Variants in FFAR4 observed in about 807,000 individuals in gnomAD.
FFAR4 encodes free fatty acid receptor 4.
In FFAR4, 19 loss-of-function variants were observed where a neutral mutation model predicts 27.0. The observed-to-expected ratio is 0.70, with a 90% CI of 0.49 to 1.03. FFAR4 has a LOEUF of 1.03. Ranked by LOEUF, FFAR4 falls within the 50% of genes least tolerant of loss-of-function variation. The pLI, the probability that FFAR4 is intolerant of heterozygous loss-of-function variation, is 0.00. For missense variants in FFAR4, 476 were observed against 479.0 expected, an observed-to-expected ratio of 0.99 and a Z score of 0.06; for synonymous variants, 254 against 215.6, an observed-to-expected ratio of 1.18 and a Z score of -1.56.
chr10:93,579,276 C>T, intron 2 of FFAR4: 4 of 1,325,964 alleles, frequency 3.0e-6, no homozygotes, highest in Non-Finnish European at 4.3e-6. Flanking sequence ...CCACCCTCAC[C>T]TTAAGGCCCT....
intron 1 of FFAR4, among the ~76,000 whole-genome samples, chr10:93,568,754 T>C (rs1189777993): frequency 6.6e-6 from 1 of 152,124 alleles, no homozygotes; most frequent in Non-Finnish European, 1.5e-5. Context: ...TTTTTTTTTT[T>C]AAACATAAAT....
intron 2 of FFAR4, among the ~76,000 whole-genome samples, chr10:93,586,226 G>A (rs565099392): frequency 2.6e-5 from 4 of 152,282 alleles, no homozygotes; most frequent in East Asian, 3.9e-4. Context: ...GGCTACTCTC[G>A]TAATAGTAAG....
intron 2 of FFAR4, among the ~76,000 whole-genome samples, chr10:93,584,955 G>A (rs1432099002): frequency 1.3e-5 from 2 of 152,076 alleles, no homozygotes; most frequent in South Asian, 2.1e-4. Flanking sequence ...CGATCTGCCC[G>A]CCTCAGCCTC....
chr10:93,567,321 C>A, intron 1 of FFAR4, 34 bp downstream of exon 1: 1 of 1,577,976 alleles, frequency 6.3e-7, no homozygotes, highest in Non-Finnish European at 8.6e-7. Context: ...GGGCAGGTGT[C>A]CTGCGCAGGC....
intron 2 of FFAR4, among the ~76,000 whole-genome samples, chr10:93,580,913 GA>G (rs2058193599): frequency 6.6e-6 from 1 of 152,176 alleles, no homozygotes; most frequent in South Asian, 2.1e-4. Context: ...TTTCCCAAGG[GA>G]ATAACCTCCC....
At chr10:93,578,434 A>AAAAAAAAC (rs1564783908) in intron 2 of FFAR4, among the ~76,000 whole-genome samples, 1 of 150,262 alleles carries the variant, frequency 6.7e-6, no homozygotes. Context: ...AAAAAAAAAA[A>AAAAAAAAC]AAAAAAACGA....
chr10:93,567,581 GT>G (rs1564780728), intron 1 of FFAR4, among the ~76,000 whole-genome samples: 1 of 152,200 alleles, frequency 6.6e-6, no homozygotes, highest in African/African-American at 2.4e-5. Flanking sequence ...AACTTTGGGG[GT>G]GCAGGGTGGC....
At chr10:93,579,359 T>A (rs887676296) in intron 2 of FFAR4, among the ~76,000 whole-genome samples, 3 of 152,208 alleles carry the variant, frequency 2.0e-5, no homozygotes, top group Non-Finnish European at 4.4e-5. Flanking sequence ...GCCTTGAGGC[T>A]GTACTGCGCA....
chr10:93,566,668 C>T lies in FFAR4; in HGVS notation c.-53C>T. 1 of 1,060,288 alleles carries T rather than the reference C, an allele frequency of 9.4e-7. No homozygotes were observed. The highest frequency in any genetic ancestry group is 1.3e-6 in the Non-Finnish European group (1 of 746,956). 65.7% of individuals were successfully genotyped at this position (1,060,288 alleles called of 1,614,324 possible). ...CTCTTTCCCCGCCTTGGCACTCAGT[C>T]GCCTCCCAGATGAGCACTCTCTCAG... On this transcript the variant is annotated 5_prime_UTR_variant, in exon 1 of 3. Coordinates refer to ENST00000371481, the MANE Select transcript of FFAR4 (RefSeq NM_001195755.2).
At chr10:93,583,487 C>A (rs2058211380) in intron 2 of FFAR4, among the ~76,000 whole-genome samples, 1 of 152,054 alleles carries the variant, frequency 6.6e-6, no homozygotes, top group African/African-American at 2.4e-5. Context: ...GCATGAGTGC[C>A]TGAAACAAAA....
At chr10:93,578,416 C>CAAAAAAAAAAAAAAAAAAA (rs762326870) in intron 2 of FFAR4, among the ~76,000 whole-genome samples, 1 of 60,200 alleles carries the variant, frequency 1.7e-5, no homozygotes, top group African/African-American at 6.0e-5. Flanking sequence ...GATTCCCTCT[C>CAAAAAAAAAAAAAAAAAAA]AAAAAAAAAA....
At chr10:93,571,746 T>G (rs1589674497) in intron 1 of FFAR4, among the ~76,000 whole-genome samples, 1 of 152,216 alleles carries the variant, frequency 6.6e-6, no homozygotes, top group Non-Finnish European at 1.5e-5. Flanking sequence ...TTCTCTCTTT[T>G]TTGCTGGGAA....
intron 2 of FFAR4, among the ~76,000 whole-genome samples, chr10:93,577,352 T>C (rs959409632): frequency 1.3e-5 from 2 of 152,226 alleles, no homozygotes; most frequent in African/African-American, 4.8e-5. Context: ...GTCACTTTTA[T>C]GGCCCTTTCT....
In FFAR4 at chr10:93,587,547, A is replaced by T; in HGVS notation, c.1024A>T (p.Lys342Ter). ...TTTTTGCTGCTTCTGGTTCCCAGAA[A>T]AGGGAGCCATTTTAACAGACACATC... ...KIFCCFWFPEKGAILTDTSVK... is the reference protein window; with the variant it reads ...KIFCCFWFPE The change falls in exon 3 of 3, where the codon AAG (lysine) becomes TAG (stop). Residue 342 changes from lysine to a stop codon, truncating the protein, a stop_gained. Coordinates refer to ENST00000371481, the MANE Select transcript of FFAR4 (RefSeq NM_001195755.2). LOFTEE classifies it high-confidence loss of function. 1 of 1,614,048 alleles carries T rather than the reference A, an allele frequency of 6.2e-7. No individual in the cohort carries two copies. The highest frequency in any genetic ancestry group is 8.5e-7 in the Non-Finnish European group (1 of 1,179,978).
At position 93,578,428 on chromosome 10, in the gene FFAR4, A is replaced by AAAAAAAG. The variant is rs1230754634; in HGVS notation, c.696+2215_696+2216insGAAAAAA. Among the ~76,000 whole-genome samples, 684 of 149,726 alleles carry AAAAAAAG rather than the reference A, an allele frequency of 4.6e-3. 10 individuals are homozygous for AAAAAAAG. Among genetic ancestry groups the AAAAAAAG allele is most frequent in the African/African-American group, 0.016 (650 of 39,458 alleles). On this transcript the variant is annotated intron_variant, in intron 2 of 2. Transcript: ENST00000371481. The stretch of plus-strand genomic sequence containing the variant: ...TGAGATTCCCTCTCAAAAAAAAAAA[A>AAAAAAAG]AAAAAAAAAAAAACGAGAAAAACAA...
At chr10:93,570,600 C>T (rs1276393401) in intron 1 of FFAR4, among the ~76,000 whole-genome samples, 1 of 152,166 alleles carries the variant, frequency 6.6e-6, no homozygotes, top group African/African-American at 2.4e-5. Flanking sequence ...CAGATACTGG[C>T]TCCCTCCCCT....
chr10:93,579,311 C>A, intron 2 of FFAR4: 1 of 956,606 alleles, frequency 1.0e-6, no homozygotes, highest in Non-Finnish European at 1.7e-6. Flanking sequence ...CGCTGCCGTT[C>A]TCACCTTCAT....
At chr10:93,578,416 CAAAAAAAAAA>C (rs762326870) in intron 2 of FFAR4, among the ~76,000 whole-genome samples, 8 of 60,196 alleles carry the variant, frequency 1.3e-4, no homozygotes, top group South Asian at 7.5e-4. Flanking sequence ...GATTCCCTCT[CAAAAAAAAAA>C]AAAAAAAAAA....
intron 2 of FFAR4, among the ~76,000 whole-genome samples, chr10:93,586,250 T>C (rs1157278885): frequency 6.6e-6 from 1 of 152,182 alleles, no homozygotes; most frequent in Non-Finnish European, 1.5e-5. Flanking sequence ...TCATGAAATC[T>C]GATGGTTTTA....
Sources: allele counts gnomAD v4.1 joint callset (sites outside exome capture counted in the v4.1 genomes callset), GRCh38; gene constraint gnomAD v4.1.1; transcripts MANE v1.5; gene names NCBI Gene and HGNC (gene_info 2026-07-23, HGNC 2026-07-21).